Variants in RBFOX3 observed in about 807,000 individuals in gnomAD.
RBFOX3 encodes the protein RNA binding protein fox-1 homolog 3.
RBFOX3 carries 17 observed loss-of-function variants against 48.7 expected under a neutral mutation model. The ratio of observed to expected loss-of-function variants is 0.35; its 90% CI spans 0.24 to 0.52. The LOEUF (loss-of-function observed/expected upper bound fraction) is 0.52, where lower values mean the gene tolerates loss of function less well. Among genes scored for constraint, RBFOX3 ranks in the 20% least tolerant of loss-of-function variants. The pLI, the probability that RBFOX3 is intolerant of heterozygous loss-of-function variation, is 0.94. For synonymous variants in RBFOX3, 212 were observed against 209.5 expected, an observed-to-expected ratio of 1.01 and a Z score of -0.10; for missense variants, 382 against 497.5, an observed-to-expected ratio of 0.77 and a Z score of 2.21.
Position 79,494,239 on chromosome 17 carries a change from C to A in RBFOX3, c.-319-11641G>T, listed in dbSNP as rs990026542. ...TACAACTGGGCTAGGTGGTGGGAACCTGTCCCCTCAGCAGTTCAGAGTCTT... is the reference window on the plus strand; with the variant it reads ...TACAACTGGGCTAGGTGGTGGGAACATGTCCCCTCAGCAGTTCAGAGTCTT... On this transcript the variant is annotated intron_variant, in intron 1 of 14. Transcript: ENST00000693108. 1.3e-3 allele frequency among the ~76,000 whole-genome samples: 205 copies of A among 152,312 alleles called. 4 individuals are homozygous for A. In the Middle Eastern group the frequency reaches 0.021, roughly 15 times the overall value.
At chr17:79,346,724 G>A (rs1005694161) in intron 2 of RBFOX3, among the ~76,000 whole-genome samples, 1 of 152,148 alleles carries the variant, frequency 6.6e-6, no homozygotes, top group Non-Finnish European at 1.5e-5. Context: ...TCATTTATTA[G>A]AACTCCTCTA....
chr17:79,165,113 G>A (rs1412350788), intron 4 of RBFOX3, among the ~76,000 whole-genome samples: 1 of 152,132 alleles, frequency 6.6e-6, no homozygotes, highest in African/African-American at 2.4e-5. Flanking sequence ...GGGAGCAGCC[G>A]GGAGGGATGA....
chr17:79,287,827 C>T (rs1180381455), intron 3 of RBFOX3, among the ~76,000 whole-genome samples: 2 of 152,158 alleles, frequency 1.3e-5, no homozygotes, highest in African/African-American at 2.4e-5. Context: ...CGCCTGGCCT[C>T]CCTGCTTCTG....
At chr17:79,580,269 T>A (rs2093011994) in intron 1 of RBFOX3, among the ~76,000 whole-genome samples, 2 of 52,274 alleles carry the variant, frequency 3.8e-5, no homozygotes, top group African/African-American at 1.5e-4. Context: ...CCCGTCCTCC[T>A]CCTCCCCCCC....
At chr17:79,323,074 C>T (rs569997708) in intron 2 of RBFOX3, among the ~76,000 whole-genome samples, 9 of 152,304 alleles carry the variant, frequency 5.9e-5, no homozygotes, top group Admixed American at 5.2e-4. Context: ...TTTCTCAAAG[C>T]CTTCATTAGG....
rs187944289 is a variant in RBFOX3, at chr17:79,106,158, G to A, written c.360+493C>T. 5.2e-4 allele frequency among the ~76,000 whole-genome samples: 79 copies of A among 152,092 alleles called. No individual in the cohort carries two copies. The East Asian group carries it at 5.5e-3, about 11-fold the overall frequency. On this transcript the variant is annotated intron_variant, in intron 6 of 14. Coordinates refer to ENST00000693108, the MANE Select transcript of RBFOX3 (RefSeq NM_001350451.2). ...GCCCGGGGGACACAGGCCCGGAGAGGTTGACTGCCCGGCCCCCGGGCACAC... is the reference window on the plus strand; with the variant it reads ...GCCCGGGGGACACAGGCCCGGAGAGATTGACTGCCCGGCCCCCGGGCACAC...
chr17:79,152,328 C>T (rs980481366), intron 4 of RBFOX3, among the ~76,000 whole-genome samples: 8 of 152,116 alleles, frequency 5.3e-5, no homozygotes, highest in Admixed American at 2.6e-4. Context: ...GCGGCTGCTT[C>T]GGGTCAGCAA....
intron 3 of RBFOX3, among the ~76,000 whole-genome samples, chr17:79,261,106 C>T (rs1252934213): frequency 6.6e-6 from 1 of 152,196 alleles, no homozygotes; most frequent in Non-Finnish European, 1.5e-5. Context: ...CTTCATACCC[C>T]TACACCCCTC....
intron 6 of RBFOX3, among the ~76,000 whole-genome samples, chr17:79,105,271 G>T (rs544452828): frequency 1.3e-5 from 2 of 152,196 alleles, no homozygotes; most frequent in Non-Finnish European, 2.9e-5. Flanking sequence ...GCTGATGGGG[G>T]ACAGTGTCCC....
chr17:79,107,844 C>T (rs998780916), intron 5 of RBFOX3, among the ~76,000 whole-genome samples: 12 of 152,192 alleles, frequency 7.9e-5, no homozygotes, highest in Non-Finnish European at 1.3e-4. Flanking sequence ...ACAGGAGCAC[C>T]AGGGTACAGG....
intron 3 of RBFOX3, among the ~76,000 whole-genome samples, chr17:79,298,626 G>C (rs1176829722): frequency 1.3e-5 from 2 of 152,164 alleles, no homozygotes; most frequent in East Asian, 1.9e-4. Context: ...TGCAGCCCCA[G>C]AACCTGCCGA....
intron 1 of RBFOX3, among the ~76,000 whole-genome samples, chr17:79,594,883 C>T (rs1038084862): frequency 1.2e-4 from 19 of 152,134 alleles, no homozygotes; most frequent in African/African-American, 4.6e-4. Context: ...CAGAAGCCTC[C>T]ACTGGGAATT....
At chr17:79,183,669 C>T (rs1034999663) in intron 4 of RBFOX3, among the ~76,000 whole-genome samples, 3 of 152,076 alleles carry the variant, frequency 2.0e-5, no homozygotes, top group African/African-American at 7.2e-5. Flanking sequence ...TTTGGAGCCT[C>T]CGGAGCCCTG....
chr17:79,171,211 A>G (rs1218847943), intron 4 of RBFOX3, among the ~76,000 whole-genome samples: 1 of 152,256 alleles, frequency 6.6e-6, no homozygotes, highest in Non-Finnish European at 1.5e-5. Flanking sequence ...GCTGCAATGA[A>G]AACAGTTTGG....
intron 4 of RBFOX3, among the ~76,000 whole-genome samples, chr17:79,117,086 G>C (rs2034222356): frequency 6.6e-6 from 1 of 152,168 alleles, no homozygotes; most frequent in African/African-American, 2.4e-5. Flanking sequence ...CAGAGGGAAA[G>C]GGGCTCCGGC....
chr17:79,108,538 C>T (rs1025996059), intron 5 of RBFOX3, among the ~76,000 whole-genome samples: 17 of 152,192 alleles, frequency 1.1e-4, no homozygotes, highest in South Asian at 2.1e-4. Context: ...CCTCGGCCCA[C>T]GGCAAAGGAA....
At chr17:79,462,886 CT>C (rs1299601868) in intron 2 of RBFOX3, among the ~76,000 whole-genome samples, 2 of 152,146 alleles carry the variant, frequency 1.3e-5, no homozygotes, top group Non-Finnish European at 2.9e-5. Context: ...CTGGGACACT[CT>C]CAGCCCAAGC....
intron 3 of RBFOX3, among the ~76,000 whole-genome samples, chr17:79,257,357 A>G (rs1567929305): frequency 6.6e-6 from 1 of 152,216 alleles, no homozygotes; most frequent in Non-Finnish European, 1.5e-5. Context: ...AAAGGGTCCA[A>G]TGTTCCAATA....
intron 2 of RBFOX3, among the ~76,000 whole-genome samples, chr17:79,476,000 C>T (rs1364986155): frequency 6.6e-6 from 1 of 152,240 alleles, no homozygotes; most frequent in Non-Finnish European, 1.5e-5. Flanking sequence ...GACACCGACC[C>T]AGATGATCTG....
Sources: allele counts gnomAD v4.1 joint callset (sites outside exome capture counted in the v4.1 genomes callset), GRCh38; gene constraint gnomAD v4.1.1; transcripts MANE v1.5; gene names NCBI Gene and HGNC (gene_info 2026-07-23, HGNC 2026-07-21).